CTNND2: variants seen among roughly 807,000 people sequenced by gnomAD.
CTNND2 encodes catenin delta 2.
Under a neutral mutation model 144.4 loss-of-function variants are expected in CTNND2, and 22 were observed. That is an observed-to-expected ratio of 0.15 (90% CI 0.11 to 0.22). CTNND2 has a LOEUF of 0.22. CTNND2 is among the 10% of genes least tolerant of loss of function. The pLI is 1.00. For missense variants in CTNND2, 1,353 were observed against 1,618.8 expected (o/e 0.84, Z 2.82); for synonymous variants, 751 against 695.6 (o/e 1.08, Z -1.25).
intron 9 of CTNND2, among the ~76,000 whole-genome samples, chr5:11,289,268 A>G (rs1356587111): frequency 6.6e-6 from 1 of 152,204 alleles, no homozygotes; most frequent in African/African-American, 2.4e-5. Flanking sequence ...AAACAAAATA[A>G]TTCTGTCTTG....
intron 9 of CTNND2, among the ~76,000 whole-genome samples, chr5:11,295,508 A>C (rs1381059769): frequency 1.3e-4 from 20 of 152,234 alleles, no homozygotes; most frequent in Admixed American, 1.3e-4. Context: ...GAACCAAAAA[A>C]GAGCCCGCAT....
At chr5:11,771,613 G>T (rs1297052008) in intron 1 of CTNND2, among the ~76,000 whole-genome samples, 2 of 151,990 alleles carry the variant, frequency 1.3e-5, no homozygotes, top group African/African-American at 4.8e-5. Context: ...CTTTATCATT[G>T]TAGACCTCAC....
intron 7 of CTNND2, among the ~76,000 whole-genome samples, chr5:11,378,912 TC>T (rs1758207302): frequency 6.6e-6 from 1 of 152,226 alleles, no homozygotes; most frequent in Non-Finnish European, 1.5e-5. Flanking sequence ...GAATTTTATG[TC>T]CATTTGACTG....
intron 1 of CTNND2, among the ~76,000 whole-genome samples, chr5:11,835,571 C>A (rs971555886): frequency 6.6e-6 from 1 of 152,116 alleles, no homozygotes; most frequent in African/African-American, 2.4e-5. Flanking sequence ...TTTTTTCCAT[C>A]TCATCTAAAG....
intron 6 of CTNND2, 124 bp downstream of exon 6, chr5:11,396,907 C>G (rs772711093): frequency 6.8e-6 from 6 of 883,170 alleles, no homozygotes; most frequent in Admixed American, 2.4e-5. Flanking sequence ...CATTTTCCCT[C>G]AAGTTGAGGG....
intron 1 of CTNND2, among the ~76,000 whole-genome samples, chr5:11,889,656 C>A (rs909928570): frequency 6.6e-6 from 1 of 152,116 alleles, no homozygotes; most frequent in African/African-American, 2.4e-5. Context: ...TTTATAAAAG[C>A]AATACTTCAT....
chr5:11,348,758 A>C (rs886452667), intron 8 of CTNND2, among the ~76,000 whole-genome samples: 1 of 152,064 alleles, frequency 6.6e-6, no homozygotes, highest in African/African-American at 2.4e-5. Context: ...AAAATATAAC[A>C]AGAAAGAGTT....
At chr5:11,640,106 C>A (rs1453155829) in intron 2 of CTNND2, among the ~76,000 whole-genome samples, 1 of 152,192 alleles carries the variant, frequency 6.6e-6, no homozygotes, top group African/African-American at 2.4e-5. Context: ...ATTCAGAAAT[C>A]ATATTAAAAA....
chr5:11,204,602 T>C (rs539636174), intron 10 of CTNND2, among the ~76,000 whole-genome samples: 1 of 152,350 alleles, frequency 6.6e-6, no homozygotes, highest in South Asian at 2.1e-4. Context: ...TCTGCATATA[T>C]TGACAATAGC....
chr5:11,505,122 C>T (rs887455320), intron 3 of CTNND2, among the ~76,000 whole-genome samples: 1 of 150,544 alleles, frequency 6.6e-6, no homozygotes. Context: ...AAAACTAGGT[C>T]GAATGTTTTG....
chr5:11,564,919 A>G, intron 3 of CTNND2, 25 bp downstream of exon 3: 1 of 1,528,618 alleles, frequency 6.5e-7, no homozygotes. Flanking sequence ...CAAAGCACAG[A>G]CAATGAACAG....
At chr5:11,849,401 A>G (rs1052364063) in intron 1 of CTNND2, among the ~76,000 whole-genome samples, 7 of 152,162 alleles carry the variant, frequency 4.6e-5, no homozygotes, top group African/African-American at 1.7e-4. Context: ...AAAATGAGCC[A>G]TGATCAGTAG....
At chr5:11,227,534 T>C (rs245085) in intron 10 of CTNND2, among the ~76,000 whole-genome samples, 139,141 of 152,310 alleles carry the variant, frequency 0.91, 63,749 homozygotes, top group East Asian at 0.99. Context: ...CAAAGGTAGT[T>C]GACTGAAAAG....
chr5:11,806,507 C>G (rs1421142022), intron 1 of CTNND2, among the ~76,000 whole-genome samples: 1 of 152,062 alleles, frequency 6.6e-6, no homozygotes, highest in Non-Finnish European at 1.5e-5. Flanking sequence ...TATATTCAAT[C>G]AAAATTTGTT....
intron 2 of CTNND2, among the ~76,000 whole-genome samples, chr5:11,728,781 T>C (rs906430327): frequency 1.1e-4 from 17 of 152,122 alleles, no homozygotes; most frequent in Admixed American, 7.2e-4. Flanking sequence ...GACTAAAGAG[T>C]TTCCTGAAAT....
At chr5:11,758,055 T>G (rs1789048689) in intron 1 of CTNND2, among the ~76,000 whole-genome samples, 2 of 151,990 alleles carry the variant, frequency 1.3e-5, no homozygotes, top group South Asian at 4.1e-4. Context: ...ATAGTTCTTT[T>G]GCATATACAT....
At chr5:11,096,032 AT>A (rs1300676371) in intron 15 of CTNND2, among the ~76,000 whole-genome samples, 1 of 151,464 alleles carries the variant, frequency 6.6e-6, no homozygotes. Flanking sequence ...TGCACTGTTC[AT>A]TTTTTCTTCT....
At chr5:11,547,409 T>G (rs754428010) in intron 3 of CTNND2, among the ~76,000 whole-genome samples, 6 of 152,216 alleles carry the variant, frequency 3.9e-5, no homozygotes, top group Non-Finnish European at 7.4e-5. Flanking sequence ...TGTTTAAATA[T>G]GTCTTAAACA....
chr5:11,751,416 C>G (rs946713153), intron 1 of CTNND2, among the ~76,000 whole-genome samples: 1 of 151,766 alleles, frequency 6.6e-6, no homozygotes, highest in Non-Finnish European at 1.5e-5. Flanking sequence ...GTCCCAGTGT[C>G]TGTTGTTCCC....
Sources: allele counts gnomAD v4.1 joint callset (sites outside exome capture counted in the v4.1 genomes callset), GRCh38; gene constraint gnomAD v4.1.1; transcripts MANE v1.5; gene names NCBI Gene and HGNC (gene_info 2026-07-23, HGNC 2026-07-21).